The following PDE7B variants were observed in gnomAD, a reference collection of about 807,000 sequenced individuals.
PDE7B encodes the protein phosphodiesterase 7B, also known as 3',5'-cyclic-AMP phosphodiesterase 7B.
In PDE7B, 29 loss-of-function variants were observed where a neutral mutation model predicts 56.2. That is an observed-to-expected ratio of 0.52 (90% CI 0.38 to 0.70). The LOEUF (loss-of-function observed/expected upper bound fraction) is 0.70. PDE7B is among the 30% of genes least tolerant of loss of function. The pLI is 0.00. For missense variants in PDE7B, 490 were observed against 565.0 expected, an observed-to-expected ratio of 0.87 and a Z score of 1.35; for synonymous variants, 197 against 196.9, an observed-to-expected ratio of 1.00 and a Z score of 0.00.
intron 4 of PDE7B, 41 bp from the exon 5 acceptor site, chr6:136,149,046 G>A: frequency 7.1e-7 from 1 of 1,404,216 alleles, no homozygotes; most frequent in Non-Finnish European, 1.0e-6. Context: ...TGAGTCTCCA[G>A]TGTGATTCAT....
chr6:135,941,327 A>G (rs955473470), intron 1 of PDE7B, among the ~76,000 whole-genome samples: 3 of 152,230 alleles, frequency 2.0e-5, no homozygotes, highest in African/African-American at 7.2e-5. Context: ...TTGTTTTAAC[A>G]TGCTATCTAG....
chr6:136,120,009 C>G (rs372369095), intron 3 of PDE7B, among the ~76,000 whole-genome samples: 1 of 152,122 alleles, frequency 6.6e-6, no homozygotes, highest in African/African-American at 2.4e-5. Context: ...CTGATTCCTC[C>G]GGGCTAGAAA....
At chr6:135,960,276 G>A (rs1244616646) in intron 2 of PDE7B, among the ~76,000 whole-genome samples, 1 of 152,138 alleles carries the variant, frequency 6.6e-6, no homozygotes, top group Non-Finnish European at 1.5e-5. Context: ...TGTAGCAACT[G>A]TACCATTGAA....
chr6:136,059,665 A>G (rs1370979640), intron 2 of PDE7B, among the ~76,000 whole-genome samples: 1 of 152,222 alleles, frequency 6.6e-6, no homozygotes, highest in Non-Finnish European at 1.5e-5. Flanking sequence ...AGAACGTAGT[A>G]GCTGCTTGAA....
At chr6:135,945,565 C>T (rs916140160) in intron 1 of PDE7B, among the ~76,000 whole-genome samples, 1 of 152,132 alleles carries the variant, frequency 6.6e-6, no homozygotes, top group Non-Finnish European at 1.5e-5. Context: ...CAACTTGCCC[C>T]TCTTTGTACC....
chr6:136,035,596 T>C (rs1776314092), intron 2 of PDE7B, among the ~76,000 whole-genome samples: 1 of 152,328 alleles, frequency 6.6e-6, no homozygotes, highest in Middle Eastern at 3.4e-3. Context: ...GGAACTTTTT[T>C]TAAATTGTGC....
At chr6:135,852,077 A>G (rs1774951449) in intron 1 of PDE7B, 58 bp downstream of exon 1, 19 of 1,138,554 alleles carry the variant, frequency 1.7e-5, no homozygotes, top group Non-Finnish European at 2.1e-5. Context: ...AGAGTCACAG[A>G]GAGATGGCAG....
intron 2 of PDE7B, among the ~76,000 whole-genome samples, chr6:136,017,343 CT>C (rs1009242140): frequency 1.3e-5 from 2 of 151,980 alleles, no homozygotes; most frequent in African/African-American, 2.4e-5. Flanking sequence ...AACCTGAAAA[CT>C]TTTTTTTATT....
chr6:136,107,934 C>A (rs1777673891), intron 2 of PDE7B, among the ~76,000 whole-genome samples: 1 of 151,994 alleles, frequency 6.6e-6, no homozygotes, highest in African/African-American at 2.4e-5. Flanking sequence ...CAAGACCATC[C>A]TGGCCAACAT....
chr6:136,027,267 T>A (rs1776168725), intron 2 of PDE7B, among the ~76,000 whole-genome samples: 1 of 152,264 alleles, frequency 6.6e-6, no homozygotes, highest in South Asian at 2.1e-4. Context: ...AGTCTATCTC[T>A]GAAGTCCCTT....
rs1391419303 is a variant in PDE7B, at chr6:135,851,859, T to C, written c.-140T>C. 3.1e-5 allele frequency: 6 copies of C among 193,676 alleles called. No individual in the cohort carries two copies. The highest frequency in any genetic ancestry group is 9.7e-5 in the East Asian group (1 of 10,316). 12.0% of individuals were successfully genotyped at this position (193,676 alleles called of 1,614,324 possible). ...TCTTTATTTCTTTTCCTTTTTTTTC[T>C]TTTTTTTTTTTTGTTACTTAATTAT... On this transcript the variant is annotated 5_prime_UTR_variant, in exon 1 of 13. Coordinates refer to ENST00000308191, the MANE Select transcript of PDE7B (RefSeq NM_018945.4).
At chr6:135,948,081 CT>C (rs932631918) in intron 2 of PDE7B, among the ~76,000 whole-genome samples, 1 of 151,872 alleles carries the variant, frequency 6.6e-6, no homozygotes, top group African/African-American at 2.4e-5. Flanking sequence ...TTAATATATA[CT>C]GTTAGGTAAT....
At chr6:136,148,613 T>C (rs1193539871) in intron 4 of PDE7B, among the ~76,000 whole-genome samples, 1 of 152,132 alleles carries the variant, frequency 6.6e-6, no homozygotes, top group African/African-American at 2.4e-5. Context: ...GGTCTGAGAT[T>C]GGGAAATTTT....
At chr6:136,080,662 G>A (rs1488575987) in intron 2 of PDE7B, among the ~76,000 whole-genome samples, 1 of 152,148 alleles carries the variant, frequency 6.6e-6, no homozygotes, top group Non-Finnish European at 1.5e-5. Context: ...TCTATCCTAA[G>A]GGGCAGACTT....
intron 3 of PDE7B, among the ~76,000 whole-genome samples, chr6:136,114,238 A>C (rs1231804901): frequency 2.0e-5 from 3 of 152,238 alleles, no homozygotes; most frequent in Non-Finnish European, 4.4e-5. Context: ...TAGAGCTACA[A>C]AAATATTTCC....
At chr6:136,095,887 C>G (rs1777463163) in intron 2 of PDE7B, 1 of 152,180 alleles carries the variant, frequency 6.6e-6, no homozygotes, top group Admixed American at 6.5e-5. Flanking sequence ...AGCACACACT[C>G]AAGGTTCAAT....
chr6:136,046,682 C>T (rs958192588), intron 2 of PDE7B, among the ~76,000 whole-genome samples: 1 of 152,142 alleles, frequency 6.6e-6, no homozygotes, highest in African/African-American at 2.4e-5. Context: ...TTTGACATGA[C>T]CTTACCCTGT....
intron 6 of PDE7B, among the ~76,000 whole-genome samples, chr6:136,153,503 A>T (rs1402252436): frequency 6.6e-6 from 1 of 152,210 alleles, no homozygotes; most frequent in Non-Finnish European, 1.5e-5. Context: ...AGCATGAAAG[A>T]TGATACTCTA....
intron 3 of PDE7B, among the ~76,000 whole-genome samples, chr6:136,118,104 A>G (rs1257445142): frequency 6.6e-6 from 1 of 152,188 alleles, no homozygotes; most frequent in Non-Finnish European, 1.5e-5. Flanking sequence ...TAGGTCCATA[A>G]TAAATACAGT....
Sources: allele counts gnomAD v4.1 joint callset (sites outside exome capture counted in the v4.1 genomes callset), GRCh38; gene constraint gnomAD v4.1.1; transcripts MANE v1.5; gene names NCBI Gene and HGNC (gene_info 2026-07-23, HGNC 2026-07-21).